The following PBLD variants were observed in gnomAD, a reference collection of about 807,000 sequenced individuals.
PBLD encodes phenazine biosynthesis like protein domain containing, also known as phenazine biosynthesis-like domain-containing protein.
PBLD carries 26 observed loss-of-function variants against 31.3 expected under a neutral mutation model. That is an observed-to-expected ratio of 0.83 (90% CI 0.61 to 1.15). PBLD has a LOEUF of 1.15. PBLD is among the 50% of genes most tolerant of loss of function. The probability of loss-of-function intolerance (pLI) is 0.00; values close to 1 mark genes in which losing one functional copy is unlikely to be tolerated. For missense variants in PBLD, 307 were observed against 351.7 expected, an observed-to-expected ratio of 0.87 and a Z score of 1.02; for synonymous variants, 114 against 129.0, an observed-to-expected ratio of 0.88 and a Z score of 0.79.
chr10:68,321,567 T>A (rs1471149315), intron 1 of PBLD, among the ~76,000 whole-genome samples: 1 of 152,132 alleles, frequency 6.6e-6, no homozygotes, highest in Non-Finnish European at 1.5e-5. Flanking sequence ...TTTGGGAAAT[T>A]CAAAAAAATG....
In PBLD at chr10:68,292,202, C is replaced by T; in HGVS notation, c.320G>A (p.Ser107Asn). Residue 107 changes from serine to asparagine, a missense_variant, in exon 5 of 10, where the codon AGT becomes AAT. Physicochemically the swap from Ser to Asn is conservative, Grantham distance 46. Coordinates refer to ENST00000358769, the MANE Select transcript of PBLD (RefSeq NM_022129.4). ...MNSTLTFVTL[S>N]GELRARRAED... ...TGCTCGTCTGGCCCTTAGTTCTCCACTCAGAGTGACAAACGTGAGCGTGCT... is the reference window on the plus strand; with the variant it reads ...TGCTCGTCTGGCCCTTAGTTCTCCATTCAGAGTGACAAACGTGAGCGTGCT... 6.2e-7 allele frequency: 1 copy of T among 1,613,766 alleles called. No individual in the cohort carries two copies. The highest frequency in any genetic ancestry group is 8.5e-7 in the Non-Finnish European group (1 of 1,180,038).
chr10:68,294,273 C>T (rs542065117), intron 4 of PBLD, among the ~76,000 whole-genome samples: 7 of 152,300 alleles, frequency 4.6e-5, no homozygotes, highest in Non-Finnish European at 7.4e-5. Context: ...CTTATCCTTT[C>T]GCCCAAAGTT....
intron 3 of PBLD, among the ~76,000 whole-genome samples, 196 bp downstream of exon 3, chr10:68,296,690 T>C (rs2044432759): frequency 6.6e-6 from 1 of 152,224 alleles, no homozygotes; most frequent in African/African-American, 2.4e-5. Context: ...ATTTCTGATG[T>C]CATTCAAGAA....
chr10:68,308,180 T>C lies in PBLD; in HGVS notation c.-59-1277A>G, dbSNP rs144401219. Among the ~76,000 whole-genome samples, 508 of 152,334 alleles carry C rather than the reference T, an allele frequency of 3.3e-3. 1 individual carries two copies. Among genetic ancestry groups the C allele is most frequent in the Non-Finnish European group, 5.1e-3 (345 of 68,038 alleles). ...GAAAACACTGTATAGCATGAATATT[T>C]TCTAAACACACCAAATGCTTCAAAA... is the stretch of plus-strand genomic sequence containing the variant. On this transcript the variant is annotated intron_variant, in intron 1 of 9. Transcript: ENST00000358769.
chr10:68,289,776 T>C (rs1383212009), intron 6 of PBLD, among the ~76,000 whole-genome samples: 1 of 151,918 alleles, frequency 6.6e-6, no homozygotes, highest in Non-Finnish European at 1.5e-5. Flanking sequence ...AGGGGCCTCA[T>C]GTCCACCTCT....
Position 68,284,309 on chromosome 10 carries a change from C to A in PBLD, c.755-20G>T, listed in dbSNP as rs1266169324. Reference sequence around the variant, plus strand: ...GAAAAGCTAAAGAAAACAAACAGGTCAAATTAAGAGTATTTTCACCCTTTT... The same window carrying A: ...GAAAAGCTAAAGAAAACAAACAGGTAAAATTAAGAGTATTTTCACCCTTTT... On this transcript the variant is annotated intron_variant, in intron 9 of 9. Transcript: ENST00000358769. The A allele has an allele frequency of 5.1e-6, 8 of 1,581,298 alleles. No individual in the cohort carries two copies. The highest frequency in any genetic ancestry group is 3.3e-5 in the Admixed American group (2 of 59,774).
At chr10:68,309,755 C>T (rs1247703970) in intron 1 of PBLD, among the ~76,000 whole-genome samples, 4 of 143,846 alleles carry the variant, frequency 2.8e-5, no homozygotes, top group Admixed American at 7.3e-5. Flanking sequence ...TGTGGTGAGC[C>T]GAGATCACGC....
In PBLD at chr10:68,291,867, T is replaced by C. The variant is rs532658090; in HGVS notation, c.423+143A>G. ...AAAACTGGTCAACCTTCTCACCAAA[T>C]AGACTGAATATTAAAATTCAAACCT... is the stretch of plus-strand genomic sequence containing the variant. On this transcript the variant is annotated intron_variant, in intron 6 of 9. Coordinates refer to ENST00000358769, the MANE Select transcript of PBLD (RefSeq NM_022129.4). 6 of 939,906 alleles carry C rather than the reference T, an allele frequency of 6.4e-6. No homozygotes were observed. In the African/African-American group the frequency reaches 6.6e-5, roughly 10 times the overall value. The allele number at this position is 939,906 out of a possible 1,614,324, so 58.2% of individuals were successfully genotyped here.
chr10:68,323,701 T>C (rs1276543090), intron 1 of PBLD, among the ~76,000 whole-genome samples: 1 of 152,238 alleles, frequency 6.6e-6, no homozygotes, highest in African/African-American at 2.4e-5. Context: ...ACAGCAATAA[T>C]AACTAATAGA....
rs1237080324 is a variant in PBLD at position 68,283,005 on chromosome 10, A to G, written c.*1172T>C. 2.6e-5 allele frequency: 4 copies of G among 152,010 alleles called. No individual in the cohort carries two copies. Among genetic ancestry groups the G allele is most frequent in the Non-Finnish European group, 5.9e-5 (4 of 68,008 alleles). 9.4% of individuals were successfully genotyped at this position (152,010 alleles called of 1,614,324 possible). On this transcript the variant is annotated 3_prime_UTR_variant, in exon 10 of 10. Coordinates refer to ENST00000358769, the MANE Select transcript of PBLD (RefSeq NM_022129.4). The stretch of plus-strand genomic sequence containing the variant: ...GTAAGAGAAGAATTCCTTTTACATT[A>G]TCATTCTCAAGCCATATATCAAGAA...
At chr10:68,306,080 T>G (rs1306526257) in intron 2 of PBLD, among the ~76,000 whole-genome samples, 1 of 150,114 alleles carries the variant, frequency 6.7e-6, no homozygotes, top group Non-Finnish European at 1.5e-5. Flanking sequence ...TTCCTTGACC[T>G]TGAGGGTCAA....
Position 68,306,899 on chromosome 10 carries a change from G to C in PBLD, c.-55C>G. ...CAAAATTGCTGGTAGCCTGCTTTAC[G>C]TCTTCTTCTTGGAAAAGGAAATCAA... On this transcript the variant is annotated 5_prime_UTR_variant, in exon 2 of 10. Coordinates refer to ENST00000358769, the MANE Select transcript of PBLD (RefSeq NM_022129.4). The C allele has an allele frequency of 7.3e-7, 1 of 1,373,704 alleles. No individual in the cohort carries two copies. 85.1% of individuals were successfully genotyped at this position (1,373,704 alleles called of 1,614,324 possible).
Position 68,309,355 on chromosome 10 carries a change from C to T in PBLD, c.-59-2452G>A, listed in dbSNP as rs185237689. Among the ~76,000 whole-genome samples, 3 of 131,868 alleles carry T rather than the reference C, an allele frequency of 2.3e-5. 1 individual carries two copies. The highest frequency in any genetic ancestry group is 2.7e-4 in the East Asian group (1 of 3,718). 86.5% of individuals were successfully genotyped at this position (131,868 alleles called of 152,430 possible). On this transcript the variant is annotated intron_variant, in intron 1 of 9. Coordinates refer to ENST00000358769, the MANE Select transcript of PBLD (RefSeq NM_022129.4). ...CTGTGAGGCGGAAGTTGCAGTGAGC[C>T]GAGATTGTGCCACTACACTCCAGCC... is the stretch of plus-strand genomic sequence containing the variant.
chr10:68,317,187 C>T (rs1335400644), intron 1 of PBLD, among the ~76,000 whole-genome samples: 2 of 152,132 alleles, frequency 1.3e-5, no homozygotes, highest in Non-Finnish European at 2.9e-5. Flanking sequence ...CAACTGTCAA[C>T]CAAGAATTCT....
intron 4 of PBLD, among the ~76,000 whole-genome samples, chr10:68,293,831 C>A (rs1178180408): frequency 6.6e-6 from 1 of 151,790 alleles, no homozygotes; most frequent in East Asian, 1.9e-4. Context: ...AAAAATTAGC[C>A]AGGCGTGGTG....
intron 1 of PBLD, among the ~76,000 whole-genome samples, chr10:68,320,293 C>T (rs1354096858): frequency 2.6e-5 from 4 of 152,016 alleles, no homozygotes; most frequent in Admixed American, 2.6e-4. Context: ...CATTTTATAA[C>T]AATAAATGGA....
Position 68,283,858 on chromosome 10 carries a change from T to G in PBLD, c.*319A>C, listed in dbSNP as rs1265812605. 1 of 256,210 alleles carries G rather than the reference T, an allele frequency of 3.9e-6. No individual in the cohort carries two copies. The highest frequency in any genetic ancestry group is 7.6e-6 in the Non-Finnish European group (1 of 130,818). 15.9% of individuals were successfully genotyped at this position (256,210 alleles called of 1,614,324 possible). A position where few individuals can be genotyped will look rare whatever the true frequency, so the allele number is the denominator to read the frequency against. On this transcript the variant is annotated 3_prime_UTR_variant, in exon 10 of 10. Coordinates refer to ENST00000358769, the MANE Select transcript of PBLD (RefSeq NM_022129.4). ...CCTCCTGGGTTCAAGCGATTCTCCATGCCTCAGCCTCCCAAGTAGCTGGAA... is the reference window on the plus strand; with the variant it reads ...CCTCCTGGGTTCAAGCGATTCTCCAGGCCTCAGCCTCCCAAGTAGCTGGAA...
At chr10:68,318,375 T>TTA (rs1554860428) in intron 1 of PBLD, among the ~76,000 whole-genome samples, 2 of 51,274 alleles carry the variant, frequency 3.9e-5, no homozygotes, top group Non-Finnish European at 6.6e-5. Flanking sequence ...CTGCCTCTAT[T>TTA]AAAAAAAAAA....
chr10:68,293,430 G>T (rs1394486976), intron 4 of PBLD, among the ~76,000 whole-genome samples: 1 of 152,152 alleles, frequency 6.6e-6, no homozygotes, highest in Non-Finnish European at 1.5e-5. Context: ...TGAAAACAAA[G>T]AATGCTGACC....
Sources: gnomAD v4.1 joint callset for allele counts (sites outside exome capture counted in the v4.1 genomes callset) on GRCh38, gnomAD v4.1.1 for gene constraint, MANE v1.5 for transcripts, NCBI Gene and HGNC (gene_info 2026-07-23, HGNC 2026-07-21) for gene names.